HDAC9: variants seen among roughly 807,000 people sequenced by gnomAD.
The protein encoded by HDAC9 is MEF-2 interacting transcription repressor (MITR) protein.
Under a neutral mutation model 139.4 loss-of-function variants are expected in HDAC9, and 41 were observed. The ratio of observed to expected loss-of-function variants is 0.29; its 90% confidence interval spans 0.23 to 0.38. HDAC9 has a LOEUF of 0.38. HDAC9 is among the 10% of genes least tolerant of loss of function. The pLI is 1.00. For synonymous variants in HDAC9, 517 were observed against 476.2 expected, an observed-to-expected ratio of 1.09 and a Z score of -1.12; for missense variants, 1,147 against 1,297.0, an observed-to-expected ratio of 0.88 and a Z score of 1.78.
intron 1 of HDAC9, among the ~76,000 whole-genome samples, chr7:18,097,724 C>G (rs1003442182): frequency 3.3e-5 from 5 of 152,062 alleles, no homozygotes; most frequent in Non-Finnish European, 7.4e-5. Context: ...TATACCACCA[C>G]ACCTGGCTAA....
chr7:18,681,458 G>A (rs10261429), intron 12 of HDAC9, among the ~76,000 whole-genome samples: 3,763 of 151,720 alleles, frequency 0.025, 173 homozygotes, highest in African/African-American at 0.086. Context: ...TATTTCTTTA[G>A]TTTCAAAGCT....
At chr7:18,593,116 C>T (rs1462319182) in intron 5 of HDAC9, among the ~76,000 whole-genome samples, 1 of 151,926 alleles carries the variant, frequency 6.6e-6, no homozygotes, top group Non-Finnish European at 1.5e-5. Context: ...CCAGTTATAG[C>T]TAGAAGAAAT....
chr7:18,544,842 T>A (rs1814239597), intron 2 of HDAC9, among the ~76,000 whole-genome samples: 1 of 152,222 alleles, frequency 6.6e-6, no homozygotes, highest in African/African-American at 2.4e-5. Flanking sequence ...ATGATGCTAT[T>A]CCTTGGCAAA....
chr7:18,733,789 CA>C, intron 13 of HDAC9, among the ~76,000 whole-genome samples: 1 of 152,114 alleles, frequency 6.6e-6, no homozygotes, highest in African/African-American at 2.4e-5. Flanking sequence ...TATTGGGACA[CA>C]AGTTTTTTGT....
intron 1 of HDAC9, among the ~76,000 whole-genome samples, chr7:18,304,601 AAGT>A (rs1368818911): frequency 6.6e-6 from 1 of 152,188 alleles, no homozygotes; most frequent in Non-Finnish European, 1.5e-5. Flanking sequence ...AGTTGAAAAA[AAGT>A]AGGTTCTCTT....
At chr7:18,291,065 T>C (rs748921229) in intron 1 of HDAC9, among the ~76,000 whole-genome samples, 4 of 152,180 alleles carry the variant, frequency 2.6e-5, no homozygotes, top group Admixed American at 1.3e-4. Flanking sequence ...CCAGGTTGTG[T>C]AATCCACACC....
At chr7:18,893,545 T>G (rs1800888339) in intron 22 of HDAC9, among the ~76,000 whole-genome samples, 1 of 152,154 alleles carries the variant, frequency 6.6e-6, no homozygotes, top group Non-Finnish European at 1.5e-5. Context: ...GTTATTTAAA[T>G]TTAACTTAAT....
At chr7:18,404,974 C>A (rs1444762011) in intron 1 of HDAC9, among the ~76,000 whole-genome samples, 1 of 152,186 alleles carries the variant, frequency 6.6e-6, no homozygotes, top group East Asian at 1.9e-4. Context: ...AGGGTGCACT[C>A]ACACACACCC....
intron 1 of HDAC9, among the ~76,000 whole-genome samples, chr7:18,425,589 G>A (rs1394044953): frequency 6.6e-6 from 1 of 152,194 alleles, no homozygotes; most frequent in Non-Finnish European, 1.5e-5. Context: ...CTTACACATG[G>A]CTCCAGAGGA....
At chr7:18,249,517 A>C (rs546560657) in intron 2 of HDAC9, among the ~76,000 whole-genome samples, 43 of 147,706 alleles carry the variant, frequency 2.9e-4, no homozygotes, top group African/African-American at 4.7e-4. Context: ...AAAAAAAAAA[A>C]AAAAAACAAA....
At chr7:18,747,380 A>C (rs898001035) in intron 13 of HDAC9, among the ~76,000 whole-genome samples, 3 of 152,222 alleles carry the variant, frequency 2.0e-5, no homozygotes, top group Non-Finnish European at 4.4e-5. Context: ...AGTGGAGATA[A>C]GGAGAATGAA....
rs190252548 is a variant in HDAC9 at position 18,831,083 on chromosome 7, T to C, written c.2466+1535T>C. ...AAAGAATTTTTCTAAGCTTTCTCAA[T>C]TTGTCAAAATTATGTAAGAAGGTGA... On this transcript the variant is annotated intron_variant, in intron 19 of 25. Transcript: ENST00000686413. Among the ~76,000 whole-genome samples, 22 of 151,618 alleles carry C rather than the reference T, an allele frequency of 1.5e-4. No individual in the cohort carries two copies. The East Asian group carries it at 4.3e-3, about 30-fold the overall frequency.
intron 2 of HDAC9, among the ~76,000 whole-genome samples, chr7:18,562,835 G>T (rs868643103): frequency 1.3e-5 from 2 of 152,000 alleles, no homozygotes; most frequent in African/African-American, 2.4e-5. Flanking sequence ...GGATGAATTT[G>T]GGTCATATTG....
intron 1 of HDAC9, among the ~76,000 whole-genome samples, chr7:18,449,628 A>C (rs1231100094): frequency 6.6e-6 from 1 of 152,178 alleles, no homozygotes; most frequent in African/African-American, 2.4e-5. Flanking sequence ...ATAAAAGTTT[A>C]CATAAAATAA....
intron 1 of HDAC9, among the ~76,000 whole-genome samples, chr7:18,294,577 A>C (rs976237354): frequency 6.6e-6 from 1 of 152,160 alleles, no homozygotes; most frequent in African/African-American, 2.4e-5. Context: ...AGCATGGCTG[A>C]AACATGTAAA....
intron 25 of HDAC9, among the ~76,000 whole-genome samples, chr7:18,989,424 C>CTGTT (rs1219824832): frequency 1.3e-5 from 2 of 152,096 alleles, no homozygotes; most frequent in Non-Finnish European, 2.9e-5. Context: ...AAGAGATCCG[C>CTGTT]TCTTAGTCTG....
intron 22 of HDAC9, among the ~76,000 whole-genome samples, chr7:18,917,851 G>A (rs1218991947): frequency 3.3e-5 from 5 of 151,932 alleles, no homozygotes; most frequent in African/African-American, 1.2e-4. Context: ...TCTAATACAT[G>A]CAATGGAAAG....
chr7:18,859,813 T>TAC (rs1797962158), intron 21 of HDAC9, among the ~76,000 whole-genome samples: 1 of 20,496 alleles, frequency 4.9e-5, no homozygotes, highest in Non-Finnish European at 8.6e-5. Context: ...AACGCTCTCA[T>TAC]ATATATATAT....
chr7:18,174,275 T>G (rs1345782537), intron 2 of HDAC9, among the ~76,000 whole-genome samples: 2 of 152,260 alleles, frequency 1.3e-5, no homozygotes, highest in Admixed American at 6.5e-5. Flanking sequence ...CATGTAGTTC[T>G]CATTCCATGG....
Sources: gnomAD v4.1 joint callset for allele counts (sites outside exome capture counted in the v4.1 genomes callset) on GRCh38, gnomAD v4.1.1 for gene constraint, MANE v1.5 for transcripts, NCBI Gene and HGNC (gene_info 2026-07-23, HGNC 2026-07-21) for gene names.